The following KIAA1328 variants were observed in gnomAD, a reference collection of about 807,000 sequenced individuals.
KIAA1328 encodes KIAA1328.
KIAA1328 carries 52 observed loss-of-function variants against 68.1 expected under a neutral mutation model. The observed-to-expected ratio is 0.76, with a 90% CI of 0.61 to 0.96. The LOEUF (loss-of-function observed/expected upper bound fraction) is 0.96, where lower values mean the gene tolerates loss of function less well. KIAA1328 is among the 40% of genes least tolerant of loss of function. The pLI, the probability that KIAA1328 is intolerant of heterozygous loss-of-function variation, is 0.00. For synonymous variants in KIAA1328, 232 were observed against 239.4 expected (o/e 0.97, Z 0.28); for missense variants, 641 against 677.6 (o/e 0.95, Z 0.60).
At chr18:36,883,544 T>C (rs2048388672) in intron 4 of KIAA1328, among the ~76,000 whole-genome samples, 1 of 152,230 alleles carries the variant, frequency 6.6e-6, no homozygotes, top group Non-Finnish European at 1.5e-5. Flanking sequence ...CTTGCATTAC[T>C]CACTGTTTGC....
intron 5 of KIAA1328, among the ~76,000 whole-genome samples, chr18:36,888,992 G>A (rs1409544616): frequency 2.0e-5 from 3 of 152,210 alleles, no homozygotes; most frequent in South Asian, 4.1e-4. Context: ...AAAAGTTTGA[G>A]TAACTTGATT....
chr18:37,167,384 G>A (rs546359153), intron 8 of KIAA1328, among the ~76,000 whole-genome samples: 62 of 152,266 alleles, frequency 4.1e-4, no homozygotes, highest in African/African-American at 1.4e-3. Flanking sequence ...TGGATCACAC[G>A]TGGGCTTGGA....
intron 7 of KIAA1328, among the ~76,000 whole-genome samples, chr18:37,134,117 G>A (rs928571310): frequency 6.6e-6 from 1 of 151,346 alleles, no homozygotes; most frequent in Admixed American, 6.6e-5. Context: ...AGATACAAGC[G>A]ATTCTCCTGC....
At chr18:36,968,954 C>T (rs964067396) in intron 6 of KIAA1328, among the ~76,000 whole-genome samples, 1 of 152,046 alleles carries the variant, frequency 6.6e-6, no homozygotes, top group Non-Finnish European at 1.5e-5. Flanking sequence ...GACCACAGTA[C>T]AATAAAAATA....
At chr18:36,859,857 G>A (rs181139743) in intron 4 of KIAA1328, among the ~76,000 whole-genome samples, 40 of 149,602 alleles carry the variant, frequency 2.7e-4, no homozygotes, top group African/African-American at 8.8e-4. Flanking sequence ...TTTTTTTACA[G>A]GAGTTGAATT....
At chr18:36,981,417 G>A (rs1177856829) in intron 6 of KIAA1328, among the ~76,000 whole-genome samples, 1 of 152,016 alleles carries the variant, frequency 6.6e-6, no homozygotes, top group Non-Finnish European at 1.5e-5. Context: ...ATTCAAAGTA[G>A]GCATGCAAAG....
chr18:36,998,036 T>C (rs896113569), intron 6 of KIAA1328, among the ~76,000 whole-genome samples: 2 of 152,204 alleles, frequency 1.3e-5, no homozygotes, highest in African/African-American at 4.8e-5. Context: ...CTCACCCATG[T>C]GCTCTGACTT....
chr18:36,982,505 TA>T (rs1269055225), intron 6 of KIAA1328, among the ~76,000 whole-genome samples: 7 of 151,618 alleles, frequency 4.6e-5, no homozygotes, highest in Non-Finnish European at 8.8e-5. Flanking sequence ...AAAGTACTTT[TA>T]AAAAAATGTC....
At chr18:37,133,893 C>T (rs112514165) in intron 7 of KIAA1328, among the ~76,000 whole-genome samples, 2 of 152,224 alleles carry the variant, frequency 1.3e-5, no homozygotes, top group African/African-American at 4.8e-5. Flanking sequence ...TCTCTGGCAT[C>T]TTTCATATTG....
intron 6 of KIAA1328, among the ~76,000 whole-genome samples, chr18:36,971,062 T>C (rs558015331): frequency 1.3e-3 from 202 of 152,278 alleles, no homozygotes; most frequent in Non-Finnish European, 2.4e-3. Flanking sequence ...ACTACAAGGC[T>C]ACAGTAACCA....
chr18:37,047,984 T>C (rs2055542751), intron 6 of KIAA1328, among the ~76,000 whole-genome samples: 1 of 152,228 alleles, frequency 6.6e-6, no homozygotes, highest in Non-Finnish European at 1.5e-5. Context: ...TACTACTCCC[T>C]TATAATGCTG....
chr18:37,014,564 G>A (rs901625872), intron 6 of KIAA1328, among the ~76,000 whole-genome samples: 1 of 152,136 alleles, frequency 6.6e-6, no homozygotes, highest in African/African-American at 2.4e-5. Flanking sequence ...CAGGAAGCAT[G>A]GCAGGACCTG....
At chr18:37,196,624 CT>C (rs1221603131) in intron 9 of KIAA1328, among the ~76,000 whole-genome samples, 19 of 152,052 alleles carry the variant, frequency 1.2e-4, no homozygotes, top group African/African-American at 4.6e-4. Flanking sequence ...CCTTGCACCC[CT>C]GGGATGAATT....
chr18:37,200,560 C>A (rs2060089138), intron 9 of KIAA1328, among the ~76,000 whole-genome samples: 1 of 151,986 alleles, frequency 6.6e-6, no homozygotes, highest in Admixed American at 6.6e-5. Context: ...GCCTGTAATC[C>A]CAGCACTTTG....
At chr18:36,845,696 T>C (rs1348483508) in intron 4 of KIAA1328, among the ~76,000 whole-genome samples, 1 of 151,760 alleles carries the variant, frequency 6.6e-6, no homozygotes, top group Non-Finnish European at 1.5e-5. Flanking sequence ...GATATAAAAT[T>C]AATCAAGTCA....
intron 6 of KIAA1328, among the ~76,000 whole-genome samples, chr18:37,042,755 C>T (rs1195009786): frequency 6.6e-6 from 1 of 152,030 alleles, no homozygotes; most frequent in African/African-American, 2.4e-5. Context: ...TGTTGAGCTT[C>T]TTCGATGTGC....
At chr18:36,924,123 G>A (rs1021977782) in intron 5 of KIAA1328, among the ~76,000 whole-genome samples, 2 of 152,078 alleles carry the variant, frequency 1.3e-5, no homozygotes, top group African/African-American at 4.8e-5. Context: ...AAGTTGATCT[G>A]ATTTGTGTTT....
At chr18:37,209,458 T>TAA (rs1290189375) in intron 9 of KIAA1328, among the ~76,000 whole-genome samples, 4 of 151,976 alleles carry the variant, frequency 2.6e-5, no homozygotes, top group East Asian at 3.9e-4. Context: ...TATATATATA[T>TAA]AATGTGTGTA....
chr18:37,125,816 CA>C (rs1187990288), intron 7 of KIAA1328, among the ~76,000 whole-genome samples: 1 of 152,186 alleles, frequency 6.6e-6, no homozygotes, highest in Admixed American at 6.5e-5. Context: ...TGACAGGTTG[CA>C]GTCAAAACAC....
Sources: gnomAD v4.1 joint callset for allele counts (sites outside exome capture counted in the v4.1 genomes callset) on GRCh38, gnomAD v4.1.1 for gene constraint, MANE v1.5 for transcripts, NCBI Gene and HGNC (gene_info 2026-07-23, HGNC 2026-07-21) for gene names.